The following CHODL variants were observed in gnomAD, a reference collection of about 807,000 sequenced individuals.
The protein encoded by CHODL is transmembrane protein MT75.
In CHODL, 29 loss-of-function variants were observed where a neutral mutation model predicts 34.5. The ratio of observed to expected loss-of-function variants is 0.84; its 90% confidence interval spans 0.63 to 1.15. CHODL has a LOEUF of 1.15. Among genes scored for constraint, CHODL ranks in the 50% most tolerant of loss-of-function variants. The pLI is 0.00. For missense variants in CHODL, 332 were observed against 332.5 expected, an observed-to-expected ratio of 1.00 and a Z score of 0.01; for synonymous variants, 125 against 116.1, an observed-to-expected ratio of 1.08 and a Z score of -0.49.
intron 2 of CHODL, among the ~76,000 whole-genome samples, chr21:18,036,036 A>G (rs747138498): frequency 1.3e-5 from 2 of 152,022 alleles, no homozygotes; most frequent in African/African-American, 4.8e-5. Flanking sequence ...TTATATTCCT[A>G]TAAGTATTCT....
At chr21:17,933,583 A>G (rs1251889054) in intron 1 of CHODL, among the ~76,000 whole-genome samples, 2 of 152,186 alleles carry the variant, frequency 1.3e-5, no homozygotes, top group African/African-American at 2.4e-5. Flanking sequence ...CAGCATCTCA[A>G]GGCAGAAGAA....
chr21:18,076,997 G>A (rs78078564), intron 2 of CHODL, among the ~76,000 whole-genome samples: 1 of 152,176 alleles, frequency 6.6e-6, no homozygotes, highest in Admixed American at 6.5e-5. Flanking sequence ...AACCTTGGCG[G>A]CCTATTTACT....
At chr21:17,978,746 A>AC (rs397961368) in intron 1 of CHODL, among the ~76,000 whole-genome samples, 1 of 143,712 alleles carries the variant, frequency 7.0e-6, no homozygotes, top group African/African-American at 2.6e-5. Flanking sequence ...AAAAAAAAAA[A>AC]CAAACAAACA....
chr21:18,034,955 A>G (rs1277396638), intron 2 of CHODL, among the ~76,000 whole-genome samples: 1 of 152,020 alleles, frequency 6.6e-6, no homozygotes, highest in African/African-American at 2.4e-5. Context: ...TGAGAGAAAC[A>G]GTTATCAGAC....
chr21:18,110,021 G>A (rs2065327751), intron 2 of CHODL, among the ~76,000 whole-genome samples: 1 of 152,196 alleles, frequency 6.6e-6, no homozygotes, highest in Non-Finnish European at 1.5e-5. Context: ...TTGCTGACAA[G>A]TCCTGGGCTG....
chr21:18,089,312 G>A (rs578156699), intron 2 of CHODL, among the ~76,000 whole-genome samples: 1 of 151,802 alleles, frequency 6.6e-6, no homozygotes, highest in Admixed American at 6.6e-5. Context: ...TGAATATATA[G>A]ATATTATTTA....
intron 1 of CHODL, among the ~76,000 whole-genome samples, chr21:17,938,600 T>G (rs1038140055): frequency 6.7e-6 from 1 of 149,632 alleles, no homozygotes; most frequent in African/African-American, 2.4e-5. Flanking sequence ...TGCCTCAGCC[T>G]CCTGAGTAGC....
chr21:17,932,101 C>G (rs1345952798), intron 1 of CHODL, among the ~76,000 whole-genome samples: 3 of 151,998 alleles, frequency 2.0e-5, no homozygotes, highest in Non-Finnish European at 2.9e-5. Context: ...TCAAGCAACT[C>G]TACAACAACA....
At chr21:18,020,641 T>C (rs2064119487) in intron 1 of CHODL, among the ~76,000 whole-genome samples, 1 of 152,244 alleles carries the variant, frequency 6.6e-6, no homozygotes, top group Non-Finnish European at 1.5e-5. Flanking sequence ...TCAGTTTCAG[T>C]TGCCTCATTT....
chr21:18,059,347 C>T (rs2064626551), intron 2 of CHODL, among the ~76,000 whole-genome samples: 1 of 152,108 alleles, frequency 6.6e-6, no homozygotes, highest in Non-Finnish European at 1.5e-5. Context: ...TTTAAACTGT[C>T]CAGTCTGTGG....
chr21:18,042,402 G>A (rs157744), intron 2 of CHODL, among the ~76,000 whole-genome samples: 93,583 of 151,676 alleles, frequency 0.62, 29,393 homozygotes, highest in East Asian at 0.82. Context: ...GACATGCTTG[G>A]TTTTCATTTT....
chr21:18,229,625 C>T (rs1263246010), intron 2 of CHODL, among the ~76,000 whole-genome samples: 1 of 152,118 alleles, frequency 6.6e-6, no homozygotes, highest in Admixed American at 6.6e-5. Flanking sequence ...CATAATTCTT[C>T]AGTGTTAGGG....
intron 1 of CHODL, among the ~76,000 whole-genome samples, chr21:17,990,992 A>G (rs986539576): frequency 1.3e-5 from 2 of 152,128 alleles, no homozygotes; most frequent in Admixed American, 1.3e-4. Context: ...TCAAGTAACC[A>G]TTGTCTAACT....
At chr21:17,933,517 A>T (rs528577397) in intron 1 of CHODL, among the ~76,000 whole-genome samples, 1 of 152,328 alleles carries the variant, frequency 6.6e-6, no homozygotes, top group South Asian at 2.1e-4. Flanking sequence ...TTTAACCCTG[A>T]GTTGACACAG....
At chr21:18,183,603 AG>A (rs2073407113) in intron 2 of CHODL, among the ~76,000 whole-genome samples, 2 of 152,188 alleles carry the variant, frequency 1.3e-5, no homozygotes, top group Non-Finnish European at 2.9e-5. Context: ...CATTGATTCA[AG>A]TTGCCTAGAT....
chr21:18,027,913 C>G (rs1007099194), exon 2 of CHODL: 1 of 152,518 alleles, frequency 6.6e-6, no homozygotes, highest in Non-Finnish European at 1.5e-5. Context: ...AGGAGGTGGT[C>G]CCTCCCCAGA....
chr21:18,096,282 C>G (rs972276062), intron 2 of CHODL, among the ~76,000 whole-genome samples: 2 of 152,046 alleles, frequency 1.3e-5, no homozygotes. Context: ...GTTTGTAAAA[C>G]GTGTGTTTGA....
chr21:18,060,685 A>G (rs1324353575), intron 2 of CHODL, among the ~76,000 whole-genome samples: 1 of 147,186 alleles, frequency 6.8e-6, no homozygotes. Context: ...CAGGCCATAC[A>G]GTAGTAAATC....
At chr21:18,038,117 G>T (rs907058431) in intron 2 of CHODL, among the ~76,000 whole-genome samples, 3 of 151,436 alleles carry the variant, frequency 2.0e-5, no homozygotes, top group African/African-American at 7.3e-5. Flanking sequence ...CCAAAAGAAT[G>T]ATTTTTTTAG....
Sources: allele counts gnomAD v4.1 joint callset (sites outside exome capture counted in the v4.1 genomes callset), GRCh38; gene constraint gnomAD v4.1.1; transcripts MANE v1.5; gene names NCBI Gene and HGNC (gene_info 2026-07-23, HGNC 2026-07-21).